Variants in TRMO observed in about 807,000 individuals in gnomAD.
TRMO encodes tRNA methyltransferase O.
TRMO carries 30 observed loss-of-function variants against 37.2 expected under a neutral mutation model. The observed-to-expected ratio is 0.81, with a 90% CI of 0.60 to 1.09. The LOEUF is 1.09. Among genes scored for constraint, TRMO ranks in the 50% least tolerant of loss-of-function variants. TRMO has a pLI of 0.00. For synonymous variants in TRMO, 239 were observed against 199.4 expected (o/e 1.20, Z -1.67); for missense variants, 552 against 549.5 (o/e 1.00, Z -0.05).
chr9:97,912,602 T>C (rs1258915942), intron 3 of TRMO: 3 of 271,068 alleles, frequency 1.1e-5, no homozygotes, highest in Admixed American at 4.8e-5. Context: ...TAGTGTCCAA[T>C]AGCCTGAAAA....
Position 97,907,970 on chromosome 9 carries a change from C to T in TRMO, c.1066+1990G>A, listed in dbSNP as rs192964408. 2.0e-5 allele frequency among the ~76,000 whole-genome samples: 3 copies of T among 152,308 alleles called. No homozygotes were observed. The East Asian group carries it at 5.8e-4, about 29-fold the overall frequency. On this transcript the variant is annotated intron_variant, in intron 4 of 4. Transcript: ENST00000375119. ...TATGTGTCTTTCTCAGTGAGGCCCACTGGGGCCACCTATTTAAAATTGCAA... is the reference window on the plus strand; with the variant it reads ...TATGTGTCTTTCTCAGTGAGGCCCATTGGGGCCACCTATTTAAAATTGCAA...
intron 4 of TRMO, among the ~76,000 whole-genome samples, chr9:97,909,740 C>T (rs1429223260): frequency 6.6e-6 from 1 of 152,184 alleles, no homozygotes; most frequent in Admixed American, 6.5e-5. Context: ...CACTCTCTGC[C>T]AATGCTTTAC....
In TRMO at chr9:97,913,486, A is replaced by G. The variant is rs1368198683; in HGVS notation, c.324T>C (p.Gly108=). The change falls in exon 3 of 5, where the codon GGT becomes GGC. Residue 108 remains glycine, a synonymous_variant. Coordinates refer to ENST00000375119, the MANE Select transcript of TRMO (RefSeq NM_016481.5). ...KAKVQPPRLN[G]AKTGVFSTRS... ...TTGTGGAAAAAACTCCAGTCTTTGC[A>G]CCATTCAGCCTAGGAGGCTGCACTT... The G allele has an allele frequency of 1.2e-6, 2 of 1,614,148 alleles. No homozygotes were observed. The highest frequency in any genetic ancestry group is 1.7e-5 in the Admixed American group (1 of 60,016).
At chr9:97,913,327 G>C in intron 3 of TRMO, 74 bp downstream of exon 3, 2 of 1,565,762 alleles carry the variant, frequency 1.3e-6, no homozygotes, top group South Asian at 1.1e-5. Flanking sequence ...TAAACAGCCA[G>C]TGGTGAATGC....
intron 1 of TRMO, among the ~76,000 whole-genome samples, chr9:97,919,735 A>G (rs544297621): frequency 1.3e-5 from 2 of 152,344 alleles, no homozygotes; most frequent in South Asian, 4.1e-4. Flanking sequence ...CACAGATTAC[A>G]CATATGATAT....
At chr9:97,904,223 A>G (rs1270964683), downstream of TRMO, among the ~76,000 whole-genome samples, 2 of 152,160 alleles carry the variant, frequency 1.3e-5, no homozygotes, top group East Asian at 1.9e-4. Context: ...ACATATATAT[A>G]TGTGTGTGTG....
At chr9:97,906,009 A>C (rs150911589) in intron 4 of TRMO, among the ~76,000 whole-genome samples, 4,809 of 152,062 alleles carry the variant, frequency 0.032, 110 homozygotes, top group South Asian at 0.045. Context: ...CACACACACA[A>C]AAAAATTAGC....
At chr9:97,914,406 G>A (rs76863989) in intron 2 of TRMO, among the ~76,000 whole-genome samples, 6,355 of 152,236 alleles carry the variant, frequency 0.042, 186 homozygotes, top group South Asian at 0.15. Flanking sequence ...GTGTTGGGAA[G>A]GGTGTAAGAA....
At chr9:97,897,121 C>T in the TRMO span, among the ~76,000 whole-genome samples, 3 of 152,184 alleles carry the variant, frequency 2.0e-5, no homozygotes, top group African/African-American at 7.2e-5. Flanking sequence ...ACATACTTGC[C>T]ATTTATATCC....
downstream of TRMO, among the ~76,000 whole-genome samples, chr9:97,903,337 GC>G (rs540059271): frequency 4.3e-4 from 65 of 152,224 alleles, 1 homozygote; most frequent in South Asian, 0.013. Flanking sequence ...AACATCAAAG[GC>G]AATTACAAAT....
chr9:97,904,314 A>T (rs931060822), downstream of TRMO, among the ~76,000 whole-genome samples: 2 of 152,096 alleles, frequency 1.3e-5, no homozygotes, highest in Non-Finnish European at 2.9e-5. Context: ...TAGTTTCCTG[A>T]TATAGGTTTG....
chr9:97,921,684 A>G (rs1011362938), intron 1 of TRMO, among the ~76,000 whole-genome samples: 2 of 152,128 alleles, frequency 1.3e-5, no homozygotes, highest in African/African-American at 2.4e-5. Context: ...TCGGCCTCCC[A>G]AAGTGCTGGG....
At chr9:97,919,295 A>C (rs1826513342) in intron 1 of TRMO, among the ~76,000 whole-genome samples, 1 of 152,036 alleles carries the variant, frequency 6.6e-6, no homozygotes, top group Non-Finnish European at 1.5e-5. Context: ...TCATTTGTTC[A>C]AGAAACATTT....
chr9:97,921,985 T>G (rs574942451), intron 1 of TRMO, among the ~76,000 whole-genome samples: 85 of 152,296 alleles, frequency 5.6e-4, no homozygotes, highest in Admixed American at 1.4e-3. Context: ...TGCCTTGTCT[T>G]TCTAGGCCCA....
At chr9:97,919,200 C>G (rs960205164) in intron 1 of TRMO, among the ~76,000 whole-genome samples, 1 of 151,868 alleles carries the variant, frequency 6.6e-6, no homozygotes, top group Non-Finnish European at 1.5e-5. Context: ...TGAGGCCAAA[C>G]GACCTGGCAT....
At chr9:97,898,589 C>T in the TRMO span, among the ~76,000 whole-genome samples, 5 of 151,902 alleles carry the variant, frequency 3.3e-5, no homozygotes, top group African/African-American at 9.7e-5. Flanking sequence ...GGGCTTTTCA[C>T]GTTACCCAGA....
chr9:97,903,087 C>T (rs1046100608), downstream of TRMO, among the ~76,000 whole-genome samples: 2 of 151,844 alleles, frequency 1.3e-5, no homozygotes, highest in South Asian at 4.2e-4. Flanking sequence ...GGCAATGAGG[C>T]GAGACCCTTG....
At chr9:97,916,870 T>G (rs977448401) in intron 1 of TRMO, among the ~76,000 whole-genome samples, 15 of 94,900 alleles carry the variant, frequency 1.6e-4, no homozygotes, top group African/African-American at 4.0e-4. Context: ...CACGCTCAAC[T>G]TTTTTTTTTT....
At chr9:97,920,075 G>A (rs895484131) in intron 1 of TRMO, among the ~76,000 whole-genome samples, 3 of 152,196 alleles carry the variant, frequency 2.0e-5, no homozygotes, top group African/African-American at 7.2e-5. Flanking sequence ...TTGCCAAGGG[G>A]AATTCTGGTC....
Sources: allele counts gnomAD v4.1 joint callset (sites outside exome capture counted in the v4.1 genomes callset), GRCh38; gene constraint gnomAD v4.1.1; transcripts MANE v1.5; gene names NCBI Gene and HGNC (gene_info 2026-07-23, HGNC 2026-07-21).